The following CDK15 variants were observed in gnomAD, a reference collection of about 807,000 sequenced individuals.
The protein encoded by CDK15 is cyclin dependent kinase 15.
A neutral mutation model predicts 60.3 loss-of-function variants in CDK15; 62 were observed. The observed-to-expected ratio is 1.03, with a 90% CI of 0.84 to 1.27. CDK15 has a LOEUF of 1.27. CDK15 is among the 50% of genes most tolerant of loss of function. The pLI, the probability that CDK15 is intolerant of heterozygous loss-of-function variation, is 0.00. For synonymous variants in CDK15, 194 were observed against 195.7 expected (o/e 0.99, Z 0.07); for missense variants, 541 against 527.8 (o/e 1.03, Z -0.25).
At chr2:201,811,154 CTTT>C (rs61361602) in intron 3 of CDK15, among the ~76,000 whole-genome samples, 7 of 138,632 alleles carry the variant, frequency 5.0e-5, no homozygotes, top group Admixed American at 7.1e-5. Flanking sequence ...AGGGTATGCA[CTTT>C]TTTTTTTTTT....
Position 201,836,062 on chromosome 2 carries a change from A to T in CDK15, c.851+299A>T, listed in dbSNP as rs1559126147. Among the ~76,000 whole-genome samples, 5 of 35,672 alleles carry T rather than the reference A, an allele frequency of 1.4e-4. 1 individual carries two copies. The highest frequency in any genetic ancestry group is 3.0e-3 in the South Asian group (2 of 660). The allele number at this position is 35,672 out of a possible 152,430, so 23.4% of individuals were successfully genotyped here. A position where few individuals can be genotyped will look rare whatever the true frequency, so the allele number is the denominator to read the frequency against. On this transcript the variant is annotated intron_variant, in intron 8 of 13. Coordinates refer to ENST00000652192, the MANE Select transcript of CDK15 (RefSeq NM_001366386.2). ...TTATATATATTTATATATATATTAT[A>T]TATATTTATATTTATATATATTTAT...
At chr2:201,807,762 G>A in intron 2 of CDK15, 96 bp from the exon 3 acceptor site, 1 of 1,545,796 alleles carries the variant, frequency 6.5e-7, no homozygotes, top group Middle Eastern at 1.7e-4. Context: ...TGGCAATGCT[G>A]TCTAATTTCC....
At chr2:201,888,938 A>C in intron 12 of CDK15, 1 of 988,930 alleles carries the variant, frequency 1.0e-6, no homozygotes, top group Non-Finnish European at 1.2e-6. Context: ...ATGCTATGAC[A>C]AGATCTAATA....
intron 8 of CDK15, among the ~76,000 whole-genome samples, chr2:201,839,457 G>A (rs1309423600): frequency 6.6e-6 from 1 of 152,142 alleles, no homozygotes; most frequent in African/African-American, 2.4e-5. Context: ...GTGCTCTAAA[G>A]AATACTGTAG....
intron 11 of CDK15, among the ~76,000 whole-genome samples, chr2:201,877,615 C>T (rs1224496608): frequency 2.0e-5 from 3 of 152,142 alleles, no homozygotes; most frequent in Admixed American, 1.3e-4. Context: ...ACTAACATTC[C>T]TCTTCCAAAC....
chr2:201,830,420 T>C (rs1461285477), intron 6 of CDK15, among the ~76,000 whole-genome samples: 2 of 152,176 alleles, frequency 1.3e-5, no homozygotes, highest in Non-Finnish European at 1.5e-5. Context: ...TTGGATTTCA[T>C]AGGAAAAGTC....
At chr2:201,836,800 GAA>G (rs779259853) in intron 8 of CDK15, among the ~76,000 whole-genome samples, 7 of 131,994 alleles carry the variant, frequency 5.3e-5, no homozygotes, top group Admixed American at 7.7e-5. Flanking sequence ...CCTGGTTTAG[GAA>G]AAAAAAAAAA....
chr2:201,861,495 C>G (rs1698388483), intron 10 of CDK15: 2 of 983,192 alleles, frequency 2.0e-6, no homozygotes, highest in African/African-American at 3.5e-5. Flanking sequence ...TGCTATAGTG[C>G]CTAACTTTTA....
At chr2:201,831,720 G>A (rs1246150855) in intron 6 of CDK15, among the ~76,000 whole-genome samples, 1 of 152,152 alleles carries the variant, frequency 6.6e-6, no homozygotes, top group African/African-American at 2.4e-5. Context: ...CTACACTTGG[G>A]ACATAAAAGG....
intron 12 of CDK15, among the ~76,000 whole-genome samples, chr2:201,883,173 TTTA>T (rs1395381787): frequency 6.6e-6 from 1 of 152,246 alleles, no homozygotes; most frequent in African/African-American, 2.4e-5. Flanking sequence ...TTTATATCAT[TTTA>T]TTATTCTGAT....
intron 3 of CDK15, among the ~76,000 whole-genome samples, chr2:201,811,761 G>A (rs1373173215): frequency 1.3e-5 from 2 of 152,056 alleles, no homozygotes; most frequent in South Asian, 2.1e-4. Flanking sequence ...GTGGAGATAT[G>A]GTGGCTTTTG....
chr2:201,834,553 C>T (rs1406254891), intron 7 of CDK15, among the ~76,000 whole-genome samples: 1 of 152,118 alleles, frequency 6.6e-6, no homozygotes. Flanking sequence ...TGCATACATA[C>T]AAATATATAT....
At chr2:201,887,802 T>C (rs1699508720) in intron 12 of CDK15, among the ~76,000 whole-genome samples, 1 of 152,204 alleles carries the variant, frequency 6.6e-6, no homozygotes, top group African/African-American at 2.4e-5. Context: ...TCGTGTTAGT[T>C]AGCAACTTCA....
At chr2:201,883,391 G>T (rs1216646869) in intron 12 of CDK15, among the ~76,000 whole-genome samples, 1 of 152,144 alleles carries the variant, frequency 6.6e-6, no homozygotes, top group Non-Finnish European at 1.5e-5. Context: ...CAAAATGAAA[G>T]AATTGTTCCA....
chr2:201,810,888 A>C (rs1468676351), intron 3 of CDK15, among the ~76,000 whole-genome samples: 6 of 135,656 alleles, frequency 4.4e-5, no homozygotes, highest in African/African-American at 1.7e-4. Flanking sequence ...TCTGTCGCCC[A>C]GGCTGGGGTG....
intron 12 of CDK15, chr2:201,888,651 C>T: frequency 7.3e-7 from 1 of 1,366,082 alleles, no homozygotes. Flanking sequence ...TCTGGCAGTC[C>T]ACAGCCAAAT....
chr2:201,877,739 C>G (rs1480153234), intron 11 of CDK15, among the ~76,000 whole-genome samples: 1 of 152,208 alleles, frequency 6.6e-6, no homozygotes, highest in Non-Finnish European at 1.5e-5. Context: ...TACACAATTC[C>G]TTTTTCTCCT....
At chr2:201,845,335 C>T (rs1320164250) in intron 8 of CDK15, among the ~76,000 whole-genome samples, 2 of 152,064 alleles carry the variant, frequency 1.3e-5, no homozygotes, top group African/African-American at 4.8e-5. Context: ...GGATAAGATA[C>T]AAATAAATTT....
intron 4 of CDK15, among the ~76,000 whole-genome samples, chr2:201,818,497 G>A (rs1696084143): frequency 3.9e-5 from 6 of 152,270 alleles, no homozygotes; most frequent in Admixed American, 2.6e-4. Context: ...ACATCCTGCT[G>A]TGCAGTTTAT....
Sources: gnomAD v4.1 joint callset for allele counts (sites outside exome capture counted in the v4.1 genomes callset) on GRCh38, gnomAD v4.1.1 for gene constraint, MANE v1.5 for transcripts, NCBI Gene and HGNC (gene_info 2026-07-23, HGNC 2026-07-21) for gene names.